Variants in RYR3 observed in about 807,000 individuals in gnomAD.
The protein encoded by RYR3 is brain ryanodine receptor-calcium release channel.
Under a neutral mutation model 584.3 loss-of-function variants are expected in RYR3, and 207 were observed. The observed-to-expected ratio is 0.35, with a 90% CI of 0.32 to 0.40. The LOEUF (loss-of-function observed/expected upper bound fraction) is 0.40. Among genes scored for constraint, RYR3 ranks in the 10% least tolerant of loss-of-function variants. The pLI is 1.00. For missense variants in RYR3, 5,616 were observed against 6,089.2 expected (o/e 0.92, Z 2.59); for synonymous variants, 2,416 against 2,248.5 (o/e 1.07, Z -2.11).
intron 3 of RYR3, among the ~76,000 whole-genome samples, chr15:33,514,972 C>G (rs1379992306): frequency 6.6e-6 from 1 of 152,002 alleles, no homozygotes; most frequent in Non-Finnish European, 1.5e-5. Context: ...CCACTGCACT[C>G]CAGCCTGGGG....
intron 60 of RYR3, among the ~76,000 whole-genome samples, chr15:33,764,385 CAT>C (rs2072811294): frequency 6.6e-6 from 1 of 152,034 alleles, no homozygotes; most frequent in African/African-American, 2.4e-5. Flanking sequence ...AATGAGAACA[CAT>C]AGACACAGAG....
intron 72 of RYR3, 108 bp from the exon 73 acceptor site, chr15:33,812,755 A>C (rs1391240731): frequency 9.8e-7 from 1 of 1,019,152 alleles, no homozygotes; most frequent in Non-Finnish European, 1.4e-6. Flanking sequence ...TGAAGTGATA[A>C]TAGAAGGAGA....
In RYR3 at chr15:33,722,432, A is replaced by G. The variant is rs143335264; in HGVS notation, c.6620-283A>G. 1.3e-3 allele frequency: 604 copies of G among 451,816 alleles called. 4 individuals are homozygous for G. Among genetic ancestry groups the G allele is most frequent in the African/African-American group, 0.011 (538 of 49,028 alleles). 28.0% of individuals were successfully genotyped at this position (451,816 alleles called of 1,614,324 possible). A position where few individuals can be genotyped will look rare whatever the true frequency, so the allele number is the denominator to read the frequency against. ...ACTTTAAACAAACAGATCCTGACCC[A>G]ATTTATCAAAGCCACCTTTTTCTCC... On this transcript the variant is annotated intron_variant, in intron 43 of 103. Transcript: ENST00000634891.
chr15:33,664,589 G>GTGTGTATATA (rs577496539), intron 36 of RYR3, among the ~76,000 whole-genome samples: 9 of 91,380 alleles, frequency 9.8e-5, no homozygotes, highest in South Asian at 5.0e-4. Context: ...GTGTGTGTGT[G>GTGTGTATATA]TATATATATA....
At chr15:33,806,581 A>G (rs1211081768) in intron 69 of RYR3, among the ~76,000 whole-genome samples, 1 of 152,156 alleles carries the variant, frequency 6.6e-6, no homozygotes, top group Non-Finnish European at 1.5e-5. Context: ...CAGTGAGTTA[A>G]CTAATCTTAG....
At chr15:33,670,930 G>A (rs2063801158) in intron 38 of RYR3, among the ~76,000 whole-genome samples, 1 of 151,936 alleles carries the variant, frequency 6.6e-6, no homozygotes, top group Non-Finnish European at 1.5e-5. Flanking sequence ...TGGTTCCTTA[G>A]CATTGAAAAT....
At position 33,812,843 on chromosome 15, in the gene RYR3, G is replaced by A. The variant is rs758893806; in HGVS notation, c.10258-20G>A. The A allele has an allele frequency of 1.1e-5, 18 of 1,612,758 alleles. No individual in the cohort carries two copies. Among genetic ancestry groups the A allele is most frequent in the Non-Finnish European group, 1.5e-5 (18 of 1,179,184 alleles). On this transcript the variant is annotated intron_variant, in intron 72 of 103. Coordinates refer to ENST00000634891, the MANE Select transcript of RYR3 (RefSeq NM_001036.6). ...AAGTACAGGAAATTCCTCATCTTAT[G>A]AGTATGCTTCAATTTTCAGTCTGAT...
At chr15:33,527,097 G>A (rs2054453163) in intron 3 of RYR3, among the ~76,000 whole-genome samples, 2 of 152,090 alleles carry the variant, frequency 1.3e-5, no homozygotes, top group African/African-American at 4.8e-5. Flanking sequence ...CTGCTGGCAG[G>A]TGAAGTTAGA....
At chr15:33,564,144 G>A (rs1470947405) in intron 11 of RYR3, among the ~76,000 whole-genome samples, 1 of 152,194 alleles carries the variant, frequency 6.6e-6, no homozygotes, top group African/African-American at 2.4e-5. Context: ...TAGCTCAGTT[G>A]TGCTAAAGAG....
intron 96 of RYR3, 117 bp downstream of exon 96, chr15:33,853,799 T>C: frequency 1.5e-6 from 2 of 1,356,406 alleles, no homozygotes; most frequent in Non-Finnish European, 2.0e-6. Context: ...CTGGCTTAGG[T>C]GTTTCTTCTA....
chr15:33,546,512 C>T (rs56351250), intron 8 of RYR3, among the ~76,000 whole-genome samples: 18,613 of 152,116 alleles, frequency 0.12, 3,669 homozygotes, highest in African/African-American at 0.41. Flanking sequence ...CTCTGTAATC[C>T]CACCTTCCAG....
intron 51 of RYR3, 128 bp downstream of exon 51, chr15:33,740,123 T>G (rs899801759): frequency 5.2e-6 from 4 of 770,420 alleles, no homozygotes; most frequent in African/African-American, 1.7e-5. Flanking sequence ...TCATTTCTCT[T>G]GATGTGTCAA....
Position 33,646,403 on chromosome 15 carries a change from A to G in RYR3, c.3818A>G (p.His1273Arg), listed in dbSNP as rs763410610. ...MDSPPCLKVTHKTFGTQNSNA... is the reference protein window; with the variant it reads ...MDSPPCLKVTRKTFGTQNSNA... Reference sequence around the variant, plus strand: ...AGCCCTCCGTGTCTCAAGGTGACGCATAAGACATTTGGCACACAGAATAGC... The same window carrying G: ...AGCCCTCCGTGTCTCAAGGTGACGCGTAAGACATTTGGCACACAGAATAGC... The change falls in exon 29 of 104, where the codon CAT becomes CGT. Residue 1273 changes from histidine to arginine, a missense_variant. This residue lies in a region of RYR3 where 753 missense variants were observed against 741.0 expected (regional missense o/e 1.02). Coordinates refer to ENST00000634891, the MANE Select transcript of RYR3 (RefSeq NM_001036.6). 4.3e-6 allele frequency: 7 copies of G among 1,613,858 alleles called. No individual in the cohort carries two copies. The highest frequency in any genetic ancestry group is 1.7e-5 in the Admixed American group (1 of 60,016).
chr15:33,607,859 G>A (rs1012003828), intron 18 of RYR3, among the ~76,000 whole-genome samples: 7 of 152,008 alleles, frequency 4.6e-5, no homozygotes, highest in African/African-American at 1.5e-4. Context: ...TGTGCGAGGC[G>A]CTCTTCTATT....
intron 81 of RYR3, among the ~76,000 whole-genome samples, chr15:33,823,672 T>A (rs755458371): frequency 6.6e-6 from 1 of 152,186 alleles, no homozygotes; most frequent in Non-Finnish European, 1.5e-5. Context: ...CCCTCATGGC[T>A]GAATGGCTCT....
intron 1 of RYR3, among the ~76,000 whole-genome samples, chr15:33,380,834 C>T (rs1486831309): frequency 6.6e-6 from 1 of 152,178 alleles, no homozygotes; most frequent in Non-Finnish European, 1.5e-5. Context: ...AAGCTCTCCT[C>T]GGTTCTTCTG....
intron 10 of RYR3, among the ~76,000 whole-genome samples, chr15:33,560,101 C>T (rs151228706): frequency 3.3e-4 from 51 of 152,252 alleles, no homozygotes; most frequent in African/African-American, 1.2e-3. Context: ...CAGCTGGGAC[C>T]ATATTCAAGT....
At chr15:33,410,685 GAT>G (rs2043338618) in intron 1 of RYR3, among the ~76,000 whole-genome samples, 1 of 152,242 alleles carries the variant, frequency 6.6e-6, no homozygotes, top group East Asian at 1.9e-4. Context: ...GTCTCAGAGT[GAT>G]ATGAGTGGCA....
At position 33,374,396 on chromosome 15, in the gene RYR3, GTGTA is replaced by G. The variant is rs1444069051; in HGVS notation, c.51+63302_51+63305del. ...TGTGTGTGTGTGTGTGTGTGTGTGTGTGTATATATATCTCCACCCCCACCCACAC... is the reference window on the plus strand; with the variant it reads ...TGTGTGTGTGTGTGTGTGTGTGTGTGTATATATCTCCACCCCCACCCACAC... On this transcript the variant is annotated intron_variant, in intron 1 of 103. Coordinates refer to ENST00000634891, the MANE Select transcript of RYR3 (RefSeq NM_001036.6). Among the ~76,000 whole-genome samples the G allele has an allele frequency of 8.9e-3, 1,247 of 139,436 alleles. 10 individuals carry two copies. Among genetic ancestry groups the G allele is most frequent in the Middle Eastern group, 0.015 (4 of 264 alleles). 91.5% of individuals were successfully genotyped at this position (139,436 alleles called of 152,430 possible).
Sources: allele counts gnomAD v4.1 joint callset (sites outside exome capture counted in the v4.1 genomes callset), GRCh38; gene constraint gnomAD v4.1.1; regional missense constraint gnomAD v4.1.1; transcripts MANE v1.5; gene names NCBI Gene and HGNC (gene_info 2026-07-23, HGNC 2026-07-21).